The following PTCH1 variants were observed in gnomAD, a reference collection of about 807,000 sequenced individuals.
PTCH1 encodes the protein patched 1.
Under a neutral mutation model 144.6 loss-of-function variants are expected in PTCH1, and 14 were observed. The ratio of observed to expected loss-of-function variants is 0.10; its 90% CI spans 0.06 to 0.15. The LOEUF is 0.15. Among genes scored for constraint, PTCH1 ranks in the 10% least tolerant of loss-of-function variants. The probability of loss-of-function intolerance (pLI) is 1.00; values close to 1 mark genes in which losing one functional copy is unlikely to be tolerated. For missense variants in PTCH1, 1,623 were observed against 1,948.3 expected, an observed-to-expected ratio of 0.83 and a Z score of 3.14; for synonymous variants, 833 against 793.6, an observed-to-expected ratio of 1.05 and a Z score of -0.83.
intron 1 of PTCH1, chr9:95,507,253 G>A (rs901918591): frequency 6.8e-5 from 67 of 985,486 alleles, no homozygotes; most frequent in Non-Finnish European, 8.1e-5. Context: ...TCGGAAGAGG[G>A]CAGCCACATG....
chr9:95,480,929 G>A (rs1841489059), intron 5 of PTCH1, among the ~76,000 whole-genome samples: 1 of 151,466 alleles, frequency 6.6e-6, no homozygotes, highest in South Asian at 2.1e-4. Flanking sequence ...TTAAAAAAGA[G>A]GGCGTCACAA....
At chr9:95,516,507 C>G (rs1844370842) in exon 1 of PTCH1, 1 of 1,537,434 alleles carries the variant, frequency 6.5e-7, no homozygotes, top group East Asian at 2.5e-5. Context: ...GCGCGGGTGC[C>G]GATGGCGCGG....
intron 5 of PTCH1, 58 bp from the exon 6 acceptor site, chr9:95,480,646 G>C (rs1201554968): frequency 7.1e-6 from 11 of 1,540,472 alleles, no homozygotes; most frequent in Non-Finnish European, 9.9e-6. Flanking sequence ...GCATCGTAAA[G>C]TAACACGGCT....
chr9:95,480,335 AC>A, intron 6 of PTCH1, 54 bp downstream of exon 6: 1 of 1,588,896 alleles, frequency 6.3e-7, no homozygotes, highest in Non-Finnish European at 8.6e-7. Context: ...ATGAATGGAC[AC>A]AAAAAAGTGT....
chr9:95,497,295 G>A (rs1587666942), intron 2 of PTCH1, among the ~76,000 whole-genome samples: 2 of 152,286 alleles, frequency 1.3e-5, no homozygotes, highest in South Asian at 2.1e-4. Context: ...TGGCAGCATC[G>A]TACGACACGT....
intron 17 of PTCH1, 126 bp downstream of exon 17, chr9:95,459,474 A>C: frequency 8.3e-7 from 1 of 1,198,792 alleles, no homozygotes; most frequent in Non-Finnish European, 1.2e-6. Flanking sequence ...ACGAGAAGAA[A>C]TAGATTGTTC....
intron 22 of PTCH1, 85 bp from the exon 23 acceptor site, chr9:95,447,536 TCA>T: frequency 1.4e-6 from 2 of 1,404,818 alleles, no homozygotes; most frequent in Admixed American, 4.6e-5. Context: ...TCCTTGGGTT[TCA>T]CCAAAGACTC....
chr9:95,453,250 G>A (rs1310377138), intron 20 of PTCH1: 3 of 533,094 alleles, frequency 5.6e-6, no homozygotes, highest in Non-Finnish European at 1.0e-5. Context: ...CTCTGCCTCA[G>A]CCTCCCAAGT....
intron 3 of PTCH1, among the ~76,000 whole-genome samples, chr9:95,485,179 C>T (rs1174212394): frequency 2.0e-5 from 3 of 152,006 alleles, no homozygotes; most frequent in African/African-American, 7.3e-5. Flanking sequence ...GCACTCCAGC[C>T]TGGGCAACAG....
chr9:95,459,485 T>C (rs1839260093), intron 17 of PTCH1, 115 bp downstream of exon 17: 1 of 1,280,236 alleles, frequency 7.8e-7, no homozygotes, highest in Admixed American at 1.8e-5. Context: ...TAGATTGTTC[T>C]GTTTACACTT....
At chr9:95,487,486 T>C (rs971302553) in intron 2 of PTCH1, among the ~76,000 whole-genome samples, 3 of 152,202 alleles carry the variant, frequency 2.0e-5, no homozygotes, top group African/African-American at 7.2e-5. Flanking sequence ...GAAAGCTGCC[T>C]GAAGGCAGGG....
At chr9:95,451,451 A>T (rs1406450579) in intron 20 of PTCH1, 5 of 152,220 alleles carry the variant, frequency 3.3e-5, no homozygotes, top group Non-Finnish European at 7.3e-5. Context: ...CTGGGCGGGA[A>T]CAACCCCGGC....
chr9:95,488,890 G>A (rs1472548394), intron 2 of PTCH1, among the ~76,000 whole-genome samples: 2 of 152,210 alleles, frequency 1.3e-5, no homozygotes, highest in African/African-American at 4.8e-5. Flanking sequence ...GAGAAACAGC[G>A]TTCTGGGTAG....
chr9:95,508,893 G>C lies in PTCH1; in HGVS notation c.-532C>G, dbSNP rs1278317687. 3 of 912,866 alleles carry C rather than the reference G, an allele frequency of 3.3e-6. No homozygotes were observed. Among genetic ancestry groups the C allele is most frequent in the African/African-American group, 3.6e-5 (2 of 55,678 alleles). 56.5% of individuals were successfully genotyped at this position (912,866 alleles called of 1,614,324 possible). ...CAAGCGCAGAGCCGCCGCCGCCGCG[G>C]GGTCCGAGGGTGCCCGGCGGGTCTC... On this transcript the variant is annotated 5_prime_UTR_variant, in exon 1 of 24. Transcript: ENST00000331920.
chr9:95,512,142 G>T (rs1844188630), upstream of PTCH1, among the ~76,000 whole-genome samples: 1 of 152,216 alleles, frequency 6.6e-6, no homozygotes, highest in African/African-American at 2.4e-5. Context: ...CCACATGCAC[G>T]TCATTTCAGT....
At chr9:95,506,213 A>C (rs1843610458) in intron 2 of PTCH1, 194 bp downstream of exon 2, 3 of 515,732 alleles carry the variant, frequency 5.8e-6, no homozygotes, top group Non-Finnish European at 9.7e-6. Context: ...CAGCGCCCCG[A>C]GTAGATTACA....
intron 20 of PTCH1, chr9:95,451,205 G>T (rs1838431565): frequency 6.6e-6 from 1 of 152,156 alleles, no homozygotes; most frequent in Admixed American, 6.5e-5. Flanking sequence ...CAATGTCTTG[G>T]TCTAATGTAA....
At chr9:95,457,308 T>C (rs1839028372) in intron 18 of PTCH1, among the ~76,000 whole-genome samples, 2 of 152,184 alleles carry the variant, frequency 1.3e-5, no homozygotes, top group Non-Finnish European at 2.9e-5. Context: ...AATTGCTAAG[T>C]GCCATGAAAA....
In PTCH1 at chr9:95,482,637, A is replaced by G. The variant is rs1308828922; in HGVS notation, c.585-434T>C. The G allele has an allele frequency of 1.5e-5, 4 of 267,852 alleles. No individual in the cohort carries two copies. In the Admixed American group the frequency reaches 2.1e-4, roughly 14 times the overall value. 16.6% of individuals were successfully genotyped at this position (267,852 alleles called of 1,614,324 possible). ...TGTTTTACTGGCAGATCATGTCCTT[A>G]ATAGGTAGTATTCAAAATGAACTCT... On this transcript the variant is annotated intron_variant, in intron 3 of 23. Transcript: ENST00000331920.
Sources: gnomAD v4.1 joint callset for allele counts (sites outside exome capture counted in the v4.1 genomes callset) on GRCh38, gnomAD v4.1.1 for gene constraint, MANE v1.5 for transcripts, NCBI Gene and HGNC (gene_info 2026-07-23, HGNC 2026-07-21) for gene names.